The following PRKDC variants were observed in gnomAD, a reference collection of about 807,000 sequenced individuals.
The protein encoded by PRKDC is protein kinase, DNA-activated, catalytic subunit.
Under a neutral mutation model 486.9 loss-of-function variants are expected in PRKDC, and 82 were observed. The observed-to-expected ratio is 0.17, with a 90% CI of 0.14 to 0.20. The LOEUF (loss-of-function observed/expected upper bound fraction) is 0.20. Among genes scored for constraint, PRKDC ranks in the 10% least tolerant of loss-of-function variants. The pLI is 1.00. For synonymous variants in PRKDC, 1,895 were observed against 1,837.0 expected, an observed-to-expected ratio of 1.03 and a Z score of -0.81; for missense variants, 4,504 against 5,038.2, an observed-to-expected ratio of 0.89 and a Z score of 3.21.
At chr8:47,896,033 T>C (rs1043035171) in intron 30 of PRKDC, among the ~76,000 whole-genome samples, 8 of 152,116 alleles carry the variant, frequency 5.3e-5, no homozygotes, top group African/African-American at 1.9e-4. Context: ...AGCAAGACTC[T>C]GTCTCGGGGG....
chr8:47,821,856 A>G lies in PRKDC; in HGVS notation c.8923-64T>C, dbSNP rs1005683386. On this transcript the variant is annotated intron_variant, in intron 64 of 85. Transcript: ENST00000314191. Reference sequence around the variant, plus strand: ...GGAAAGAATACCAATGAGAACACGTAAAAAGGAGGAATGTAACAATCACAC... The same window carrying G: ...GGAAAGAATACCAATGAGAACACGTGAAAAGGAGGAATGTAACAATCACAC... The G allele has an allele frequency of 3.8e-6, 5 of 1,327,444 alleles. No homozygotes were observed. The African/African-American group carries it at 7.6e-5, about 20-fold the overall frequency. The allele number at this position is 1,327,444 out of a possible 1,614,324, so 82.2% of individuals were successfully genotyped here.
intron 63 of PRKDC, among the ~76,000 whole-genome samples, chr8:47,825,455 G>A (rs145864329): frequency 0.015 from 1,911 of 125,838 alleles, 50 homozygotes; most frequent in African/African-American, 0.055. Flanking sequence ...GTTGCAGTGA[G>A]CCAAGATTGT....
intron 62 of PRKDC, 78 bp from the exon 63 acceptor site, chr8:47,826,939 C>T (rs1222108245): frequency 1.4e-6 from 2 of 1,382,458 alleles, no homozygotes; most frequent in African/African-American, 1.4e-5. Context: ...ACATACTTTA[C>T]TAAACATAAA....
At position 47,789,206 on chromosome 8, in the gene PRKDC, A is replaced by T; in HGVS notation, c.10703T>A (p.Ile3568Asn). ...ATCTAAGGCATTAATAAAATCTTGA[A>T]TCACTCCTCCTTGATCCAACTTACT... is the stretch of plus-strand genomic sequence containing the variant. ...IKSKLDQGGVIQDFINALDQL... is the reference protein window; with the variant it reads ...IKSKLDQGGVNQDFINALDQL... The change falls in exon 75 of 86, where the codon ATT (isoleucine) becomes AAT (asparagine). Residue 3568 changes from isoleucine (I) to asparagine (N), a missense_variant. Ile to Asn is a moderately radical substitution (Grantham distance 149, BLOSUM62 -3). This residue lies in a region of PRKDC where 706 missense variants were observed against 945.0 expected (regional missense o/e 0.75). Coordinates refer to ENST00000314191, the MANE Select transcript of PRKDC (RefSeq NM_006904.7). 6.2e-7 allele frequency: 1 copy of T among 1,607,102 alleles called. No homozygotes were observed. The highest frequency in any genetic ancestry group is 8.5e-7 in the Non-Finnish European group (1 of 1,177,144).
In PRKDC at chr8:47,902,556, G is replaced by A. The variant is rs2089706206; in HGVS notation, c.3269+13C>T. ...ACCACAAGTTTCTCTTCTCTGTTGT[G>A]TAGCTTACAAACCTGAATTCCCTGT... On this transcript the variant is annotated intron_variant, in intron 27 of 85. Transcript: ENST00000314191. The A allele has an allele frequency of 6.6e-7, 1 of 1,522,656 alleles. No individual in the cohort carries two copies. Among genetic ancestry groups the A allele is most frequent in the Non-Finnish European group, 8.8e-7 (1 of 1,134,358 alleles). 94.3% of individuals were successfully genotyped at this position (1,522,656 alleles called of 1,614,324 possible).
chr8:47,812,489 T>G (rs2087350086), intron 68 of PRKDC, among the ~76,000 whole-genome samples: 1 of 152,198 alleles, frequency 6.6e-6, no homozygotes, highest in South Asian at 2.1e-4. Flanking sequence ...AACCCAGGTA[T>G]TTGGAAATTA....
chr8:47,948,617 G>A (rs1358226179), intron 7 of PRKDC, among the ~76,000 whole-genome samples: 2 of 151,742 alleles, frequency 1.3e-5, no homozygotes, highest in Non-Finnish European at 2.9e-5. Context: ...GCGCCACCAC[G>A]CCCAGCTAAT....
In PRKDC at chr8:47,782,848, AG is replaced by A. The variant is rs2154497530; in HGVS notation, c.11176-251del. On this transcript the variant is annotated intron_variant, in intron 78 of 85. Transcript: ENST00000314191. The surrounding 1 kb of genome is among the most constrained non-coding windows in gnomAD (Gnocchi z 4.9). ...GTGGATATCTTTAGCAAGCAGCAAC[AG>A]CCAACATGCAAACTTTCTACAGTAG... The A allele has an allele frequency of 1.8e-6, 1 of 554,746 alleles. No individual in the cohort carries two copies. The highest frequency in any genetic ancestry group is 2.2e-5 in the South Asian group (1 of 44,680). The allele number at this position is 554,746 out of a possible 1,614,324, so 34.4% of individuals were successfully genotyped here.
chr8:47,951,181 G>A (rs1351374205), intron 7 of PRKDC, among the ~76,000 whole-genome samples: 1 of 151,254 alleles, frequency 6.6e-6, no homozygotes, highest in Non-Finnish European at 1.5e-5. Context: ...GCAACATGGG[G>A]AAACCATGTC....
chr8:47,789,357 TATATAAC>T (rs1288780372), intron 74 of PRKDC, 119 bp from the exon 75 acceptor site: 8 of 275,712 alleles, frequency 2.9e-5, no homozygotes, highest in African/African-American at 4.5e-5. Flanking sequence ...ATGTATGTTA[TATATAAC>T]TAAGTATAAT....
intron 68 of PRKDC, among the ~76,000 whole-genome samples, chr8:47,810,406 T>TATA (rs2087301915): frequency 2.0e-5 from 3 of 152,238 alleles, no homozygotes; most frequent in Admixed American, 2.0e-4. Context: ...TTAAGCTTTA[T>TATA]CATATGTGTG....
intron 24 of PRKDC, among the ~76,000 whole-genome samples, chr8:47,913,467 G>A (rs2089939001): frequency 6.6e-6 from 1 of 152,124 alleles, no homozygotes; most frequent in Admixed American, 6.5e-5. Context: ...CGTAATCTCG[G>A]CTTGCTGCAA....
intron 1 of PRKDC, 49 bp from the exon 2 acceptor site, chr8:47,957,480 T>G: frequency 7.1e-7 from 1 of 1,407,844 alleles, no homozygotes; most frequent in South Asian, 1.3e-5. Flanking sequence ...AAGAGCATCA[T>G]GTAAACCACT....
chr8:47,960,021 G>A lies in PRKDC; in HGVS notation c.106C>T (p.Arg36Cys), dbSNP rs1285784926. Residue 36 changes from arginine (R) to cysteine (C), a missense_variant, in exon 1 of 86, where the codon CGC (arginine) becomes TGC (cysteine). By Grantham distance (180) the Arg-to-Cys change is radical. Coordinates refer to ENST00000314191, the MANE Select transcript of PRKDC (RefSeq NM_006904.7). ...GAALAGHQLI[R>C]GLGQECVLSS... ...AGGACGCATTCCTGCCCCAGGCCGCGGATCAGTTGATGACCGGCCAGGGCA... is the reference window on the plus strand; with the variant it reads ...AGGACGCATTCCTGCCCCAGGCCGCAGATCAGTTGATGACCGGCCAGGGCA... 1.3e-6 allele frequency: 2 copies of A among 1,534,364 alleles called. No homozygotes were observed. Among genetic ancestry groups the A allele is most frequent in the South Asian group, 1.2e-5 (1 of 84,028 alleles).
intron 4 of PRKDC, 111 bp from the exon 5 acceptor site, chr8:47,954,557 G>A: frequency 2.4e-6 from 1 of 420,426 alleles, no homozygotes. Context: ...CTCTATCTCA[G>A]TGCATCTGTC....
chr8:47,851,710 G>A (rs997085205), intron 52 of PRKDC, among the ~76,000 whole-genome samples: 7 of 152,212 alleles, frequency 4.6e-5, no homozygotes, highest in Non-Finnish European at 8.8e-5. Flanking sequence ...GGGCAGGGGA[G>A]CAGTGAGTGA....
At chr8:47,917,355 TGCC>T (rs1434001737) in intron 22 of PRKDC, among the ~76,000 whole-genome samples, 1 of 152,226 alleles carries the variant, frequency 6.6e-6, no homozygotes, top group African/African-American at 2.4e-5. Flanking sequence ...AAAACTTTTA[TGCC>T]GCCATTTCTA....
intron 70 of PRKDC, among the ~76,000 whole-genome samples, chr8:47,802,060 TC>T (rs1305678183): frequency 6.9e-6 from 1 of 144,778 alleles, no homozygotes; most frequent in Non-Finnish European, 1.6e-5. Flanking sequence ...AGGATAATTT[TC>T]TTCTTCTTCT....
intron 30 of PRKDC, among the ~76,000 whole-genome samples, chr8:47,894,437 TAGAA>T (rs753877824): frequency 4.6e-5 from 7 of 151,998 alleles, no homozygotes; most frequent in African/African-American, 7.3e-5. Context: ...AGAAAAATGA[TAGAA>T]AGAAAGGACA....
Sources: allele counts gnomAD v4.1 joint callset (sites outside exome capture counted in the v4.1 genomes callset), GRCh38; gene constraint gnomAD v4.1.1; regional missense constraint gnomAD v4.1.1; non-coding constraint Gnocchi (gnomAD v3.1); transcripts MANE v1.5; gene names NCBI Gene and HGNC (gene_info 2026-07-23, HGNC 2026-07-21).